Variants in ABLIM1 observed in about 807,000 individuals in gnomAD.
The protein encoded by ABLIM1 is actin-binding LIM protein 1.
In ABLIM1, 40 loss-of-function variants were observed where a neutral mutation model predicts 107.0. That is an observed-to-expected ratio of 0.37 (90% CI 0.29 to 0.49). The LOEUF is 0.49. Among genes scored for constraint, ABLIM1 ranks in the 20% least tolerant of loss-of-function variants. The probability of loss-of-function intolerance (pLI) is 0.97; values close to 1 mark genes in which losing one functional copy is unlikely to be tolerated. For synonymous variants in ABLIM1, 357 were observed against 357.3 expected, an observed-to-expected ratio of 1.00 and a Z score of 0.01; for missense variants, 857 against 1,008.5, an observed-to-expected ratio of 0.85 and a Z score of 2.04.
At chr10:114,647,232 C>T (rs1276213647) in intron 1 of ABLIM1, among the ~76,000 whole-genome samples, 1 of 145,612 alleles carries the variant, frequency 6.9e-6, no homozygotes, top group Non-Finnish European at 1.5e-5. Context: ...CTGCTGACCT[C>T]AGGTGATCCG....
intron 1 of ABLIM1, among the ~76,000 whole-genome samples, chr10:114,761,541 A>T (rs540756044): frequency 6.6e-6 from 1 of 152,156 alleles, no homozygotes; most frequent in Non-Finnish European, 1.5e-5. Context: ...TGGGAAGAAC[A>T]GAGCCCTCCT....
intron 6 of ABLIM1, among the ~76,000 whole-genome samples, chr10:114,531,706 C>T (rs1184201670): frequency 2.0e-5 from 3 of 152,044 alleles, no homozygotes; most frequent in African/African-American, 2.4e-5. Flanking sequence ...TTAGTAGAGA[C>T]GGGGTTTCAC....
At chr10:114,532,495 C>A (rs1441037806) in intron 6 of ABLIM1, among the ~76,000 whole-genome samples, 2 of 152,194 alleles carry the variant, frequency 1.3e-5, no homozygotes, top group Non-Finnish European at 2.9e-5. Flanking sequence ...GAGGAGGCAG[C>A]CTGTCCATGG....
chr10:114,566,613 GCTAA>G lies in ABLIM1; in HGVS notation c.673+4680_673+4683del, dbSNP rs1271458150. Among the ~76,000 whole-genome samples, 8 of 152,332 alleles carry G rather than the reference GCTAA, an allele frequency of 5.3e-5. No homozygotes were observed. The East Asian group carries it at 9.7e-4, about 18-fold the overall frequency. ...GTTAATGTTCGTCAAAACCCTGTGT[GCTAA>G]CTTTCACTACTATCTTGCTTTCACG... On this transcript the variant is annotated intron_variant, in intron 4 of 22. Transcript: ENST00000533213.
rs2075689672 is a variant in ABLIM1 at position 114,598,622 on chromosome 10, A to C, written c.379+3205T>G. ...AACAAAATAAAAACAAAAACAAACA[A>C]AAAAAGAAATGTGTCTAGTCTAAAT... On this transcript the variant is annotated intron_variant, in intron 2 of 22. Coordinates refer to ENST00000533213, the MANE Select transcript of ABLIM1 (RefSeq NM_002313.7). Among the ~76,000 whole-genome samples, 3 of 151,876 alleles carry C rather than the reference A, an allele frequency of 2.0e-5. No individual in the cohort carries two copies. In the South Asian group the frequency reaches 6.2e-4, roughly 31 times the overall value.
chr10:114,518,666 C>G (rs2063283368), intron 6 of ABLIM1, among the ~76,000 whole-genome samples: 1 of 151,832 alleles, frequency 6.6e-6, no homozygotes, highest in Admixed American at 6.6e-5. Flanking sequence ...GTCTCTAGGT[C>G]TGCTTTAGCC....
chr10:114,704,990 G>C (rs1232411667), intron 1 of ABLIM1, among the ~76,000 whole-genome samples: 1 of 152,088 alleles, frequency 6.6e-6, no homozygotes, highest in Non-Finnish European at 1.5e-5. Context: ...CAAACCCATG[G>C]CTGTGCCTTG....
intron 3 of ABLIM1, among the ~76,000 whole-genome samples, chr10:114,574,788 C>T (rs1696989135): frequency 6.6e-6 from 1 of 152,124 alleles, no homozygotes; most frequent in Admixed American, 6.5e-5. Context: ...AAGATACAAC[C>T]TTGGTAGATG....
At chr10:114,480,267 G>A (rs2057132691) in intron 8 of ABLIM1, among the ~76,000 whole-genome samples, 2 of 152,130 alleles carry the variant, frequency 1.3e-5, no homozygotes, top group Non-Finnish European at 2.9e-5. Flanking sequence ...ATAACCCAAT[G>A]GGTCAGAAGC....
intron 6 of ABLIM1, chr10:114,502,167 T>C (rs535928364): frequency 1.9e-4 from 32 of 170,532 alleles, no homozygotes; most frequent in Middle Eastern, 3.2e-3. Context: ...GGAACTGATA[T>C]GATAGCATGA....
chr10:114,485,746 T>C (rs539256032), intron 8 of ABLIM1, among the ~76,000 whole-genome samples: 2 of 152,312 alleles, frequency 1.3e-5, no homozygotes, highest in African/African-American at 4.8e-5. Context: ...ATATAAAAAA[T>C]GTGGACTACC....
At chr10:114,703,820 CT>C (rs1272843199) in intron 1 of ABLIM1, among the ~76,000 whole-genome samples, 1 of 152,144 alleles carries the variant, frequency 6.6e-6, no homozygotes, top group Non-Finnish European at 1.5e-5. Flanking sequence ...CAGATAGAGG[CT>C]GGGGGCACAG....
chr10:114,792,099 T>C, the ABLIM1 span, among the ~76,000 whole-genome samples: 4 of 152,124 alleles, frequency 2.6e-5, no homozygotes, highest in East Asian at 5.8e-4. Context: ...GGCGGACGGA[T>C]TGCTTGAGTT....
chr10:114,529,165 G>T (rs536772027), intron 6 of ABLIM1, among the ~76,000 whole-genome samples: 2 of 145,516 alleles, frequency 1.4e-5, no homozygotes, highest in Non-Finnish European at 3.0e-5. Flanking sequence ...TCATTCTGTC[G>T]CAAGGCTGGA....
At chr10:114,626,337 T>A (rs182709617) in intron 1 of ABLIM1, among the ~76,000 whole-genome samples, 1 of 152,178 alleles carries the variant, frequency 6.6e-6, no homozygotes, top group South Asian at 2.1e-4. Flanking sequence ...ATGCCTAACA[T>A]CTGAATGCCT....
rs2065261134 is a variant in ABLIM1 at position 114,529,834 on chromosome 10, C to CT, written c.894+15170dup. 1.3e-5 allele frequency among the ~76,000 whole-genome samples: 2 copies of CT among 152,106 alleles called. 1 individual carries two copies. Among genetic ancestry groups the CT allele is most frequent in the South Asian group, 4.1e-4 (2 of 4,820 alleles). On this transcript the variant is annotated intron_variant, in intron 6 of 22. Coordinates refer to ENST00000533213, the MANE Select transcript of ABLIM1 (RefSeq NM_002313.7). ...CTGAGGTCAGGAGTTCAAGACCAGC[C>CT]TTGCCAATATGGTGAAACCCTGTCT...
intron 4 of ABLIM1, among the ~76,000 whole-genome samples, chr10:114,561,519 C>T (rs941560242): frequency 6.6e-6 from 1 of 152,194 alleles, no homozygotes; most frequent in Non-Finnish European, 1.5e-5. Flanking sequence ...CTCCCTGTCT[C>T]CCAGCCACCC....
intron 2 of ABLIM1, among the ~76,000 whole-genome samples, chr10:114,600,999 T>C (rs145932648): frequency 1.3e-5 from 2 of 151,706 alleles, no homozygotes; most frequent in East Asian, 3.9e-4. Flanking sequence ...GGCAGGTCTT[T>C]TTCTGCTTAG....
At position 114,444,051 on chromosome 10, in the gene ABLIM1, G is replaced by T. The variant is rs1405485368; in HGVS notation, c.1911C>A (p.Arg637=). Residue 637 remains arginine, a synonymous_variant, in exon 17 of 23, where the codon CGC becomes CGA. Transcript: ENST00000533213. ...TACCTGAGTTGATGGGAGAATCGTA[G>T]CGACTGGCTAACAGAGATGACCTTT... ...SRERSSLLAS[R]YDSPINSASH... The T allele has an allele frequency of 5.0e-6, 8 of 1,611,548 alleles. No homozygotes were observed. Among genetic ancestry groups the T allele is most frequent in the Non-Finnish European group, 6.8e-6 (8 of 1,179,282 alleles).
Sources: allele counts gnomAD v4.1 joint callset (sites outside exome capture counted in the v4.1 genomes callset), GRCh38; gene constraint gnomAD v4.1.1; transcripts MANE v1.5; gene names NCBI Gene and HGNC (gene_info 2026-07-23, HGNC 2026-07-21).